Variants in TRAPPC3 observed in about 807,000 individuals in gnomAD.
TRAPPC3 encodes the protein trafficking protein particle complex 3.
TRAPPC3 carries 5 observed loss-of-function variants against 18.2 expected under a neutral mutation model. That is an observed-to-expected ratio of 0.28 (90% confidence interval 0.14 to 0.58). The LOEUF is 0.58. Among genes scored for constraint, TRAPPC3 ranks in the 20% least tolerant of loss-of-function variants. TRAPPC3 has a pLI of 0.91. For synonymous variants in TRAPPC3, 65 were observed against 84.2 expected, an observed-to-expected ratio of 0.77 and a Z score of 1.25; for missense variants, 176 against 225.9, an observed-to-expected ratio of 0.78 and a Z score of 1.41.
chr1:36,138,315 G>A (rs952338232), intron 3 of TRAPPC3: 21 of 1,496,476 alleles, frequency 1.4e-5, no homozygotes, highest in Admixed American at 2.0e-5. Context: ...CTTTCGACAC[G>A]GTGGCTGCCT....
rs537374218 is a variant in TRAPPC3, at chr1:36,155,069, G to C, written c.-97+814C>G. On this transcript the variant is annotated intron_variant, in intron 1 of 4. Coordinates refer to the TRAPPC3 transcript ENST00000617904. ...AAGGAAGGAGAAACTGGAGGGAAGGGGGGCAAGGGGGACAGTATCTCACTG... is the reference window on the plus strand; with the variant it reads ...AAGGAAGGAGAAACTGGAGGGAAGGCGGGCAAGGGGGACAGTATCTCACTG... 1.2e-4 allele frequency among the ~76,000 whole-genome samples: 18 copies of C among 152,326 alleles called. No individual in the cohort carries two copies. The East Asian group carries it at 3.3e-3, about 28-fold the overall frequency.
chr1:36,148,594 G>A (rs1644233961), intron 1 of TRAPPC3, among the ~76,000 whole-genome samples: 1 of 144,100 alleles, frequency 6.9e-6, no homozygotes, highest in South Asian at 2.5e-4. Context: ...TCGTCTGGGG[G>A]CGGGGGGAGG....
At position 36,139,440 on chromosome 1, in the gene TRAPPC3, G is replaced by C. The variant is rs1644074125; in HGVS notation, c.240+280C>G. ...CAAAGTGCTAGGATTACAGATGTGA[G>C]CCACCACGCCCGACCGAGTCTGTAT... On this transcript the variant is annotated intron_variant, in intron 3 of 4. Coordinates refer to ENST00000373166, the MANE Select transcript of TRAPPC3 (RefSeq NM_014408.5). The C allele has an allele frequency of 1.5e-5, 5 of 331,170 alleles. No homozygotes were observed. The South Asian group carries it at 1.8e-4, about 12-fold the overall frequency. The allele number at this position is 331,170 out of a possible 1,614,324, so 20.5% of individuals were successfully genotyped here. A position where few individuals can be genotyped will look rare whatever the true frequency, so the allele number is the denominator to read the frequency against.
chr1:36,153,811 T>A (rs2124183149), upstream of TRAPPC3, among the ~76,000 whole-genome samples: 1 of 152,246 alleles, frequency 6.6e-6, no homozygotes, highest in African/African-American at 2.4e-5. Context: ...CCACAGTCAA[T>A]CCCAAAGACA....
At chr1:36,139,977 G>A (rs774949357) in intron 2 of TRAPPC3, 92 bp downstream of exon 2, 85 of 1,461,086 alleles carry the variant, frequency 5.8e-5, no homozygotes, top group Non-Finnish European at 7.4e-5. Flanking sequence ...CTAAGAAAGA[G>A]AGAGAACCCT....
intron 1 of TRAPPC3, among the ~76,000 whole-genome samples, chr1:36,141,993 C>G (rs1227188230): frequency 6.9e-6 from 1 of 145,758 alleles, no homozygotes; most frequent in Non-Finnish European, 1.5e-5. Context: ...AGAACGTGCC[C>G]AAGGACAAAC....
At chr1:36,139,162 T>TC (rs908655442) in intron 3 of TRAPPC3, among the ~76,000 whole-genome samples, 1 of 146,682 alleles carries the variant, frequency 6.8e-6, no homozygotes, top group Non-Finnish European at 1.5e-5. Context: ...CTGTATTTTT[T>TC]TTTTTTTTTT....
At chr1:36,151,507 A>G (rs1365825668), upstream of TRAPPC3, among the ~76,000 whole-genome samples, 1 of 152,174 alleles carries the variant, frequency 6.6e-6, no homozygotes, top group African/African-American at 2.4e-5. Flanking sequence ...GCTACTAGGA[A>G]GGTTAAGGTG....
intron 1 of TRAPPC3, among the ~76,000 whole-genome samples, chr1:36,144,420 G>A (rs540130215): frequency 1.3e-5 from 2 of 152,176 alleles, no homozygotes; most frequent in African/African-American, 4.8e-5. Context: ...GGAGGCAGGG[G>A]TCGGAAGTGG....
intron 1 of TRAPPC3, among the ~76,000 whole-genome samples, chr1:36,145,837 G>A (rs1165916512): frequency 5.3e-5 from 8 of 151,794 alleles, no homozygotes; most frequent in Non-Finnish European, 7.4e-5. Flanking sequence ...GCAGTAGCGC[G>A]ATCTCGGCTC....
chr1:36,149,431 C>T lies in TRAPPC3; in HGVS notation c.-53G>A. On this transcript the variant is annotated 5_prime_UTR_variant, in exon 1 of 5. Coordinates refer to ENST00000373166, the MANE Select transcript of TRAPPC3 (RefSeq NM_014408.5). ...TAGCCACGGGTTAGCTCGGCGACCC[C>T]TGCAGACGCCGGAGCCTAAGCCGCT... 6.2e-7 allele frequency: 1 copy of T among 1,602,630 alleles called. No homozygotes were observed. The highest frequency in any genetic ancestry group is 8.5e-7 in the Non-Finnish European group (1 of 1,175,102).
At chr1:36,147,343 T>G (rs1201197809) in intron 1 of TRAPPC3, among the ~76,000 whole-genome samples, 1 of 151,530 alleles carries the variant, frequency 6.6e-6, no homozygotes, top group Non-Finnish European at 1.5e-5. Flanking sequence ...ACAAAACAAT[T>G]TAGGTCTTGG....
intron 3 of TRAPPC3, 144 bp from the exon 4 acceptor site, chr1:36,138,122 C>A: frequency 6.4e-7 from 1 of 1,557,478 alleles, no homozygotes; most frequent in Non-Finnish European, 8.7e-7. Flanking sequence ...ATACTCAGGA[C>A]AACAAAGGAG....
intron 1 of TRAPPC3, among the ~76,000 whole-genome samples, chr1:36,146,172 G>A (rs1472485286): frequency 1.3e-5 from 2 of 151,990 alleles, no homozygotes; most frequent in Middle Eastern, 3.4e-3. Flanking sequence ...TCCACCTCCC[G>A]GGTTCAAGCG....
intron 1 of TRAPPC3, chr1:36,149,077 A>AT: frequency 7.2e-7 from 1 of 1,388,786 alleles, no homozygotes; most frequent in Non-Finnish European, 9.3e-7. Context: ...AGTGGCAGTT[A>AT]TTGGTATTTA....
In TRAPPC3 at chr1:36,137,099, A is replaced by C. The variant is rs946448497; in HGVS notation, c.*104T>G. The C allele has an allele frequency of 4.5e-6, 6 of 1,328,076 alleles. No individual in the cohort carries two copies. The highest frequency in any genetic ancestry group is 6.3e-6 in the Non-Finnish European group (6 of 954,524). The allele number at this position is 1,328,076 out of a possible 1,614,324, so 82.3% of individuals were successfully genotyped here. A position where few individuals can be genotyped will look rare whatever the true frequency, so the allele number is the denominator to read the frequency against. ...TGGAAACAGGTTATAAGAATATATA[A>C]CATCCATGTTCAAGAGTCACTGAGT... On this transcript the variant is annotated 3_prime_UTR_variant, in exon 5 of 5. Coordinates refer to ENST00000373166, the MANE Select transcript of TRAPPC3 (RefSeq NM_014408.5).
chr1:36,138,005 T>C (rs1396142580), intron 3 of TRAPPC3, 27 bp from the exon 4 acceptor site: 1 of 1,611,628 alleles, frequency 6.2e-7, no homozygotes, highest in East Asian at 2.2e-5. Context: ...AACAGCACTT[T>C]GGGGAAGAGC....
At position 36,149,454 on chromosome 1, in the gene TRAPPC3, G is replaced by A; in HGVS notation, c.-76C>T. On this transcript the variant is annotated 5_prime_UTR_variant, in exon 1 of 5. Transcript: ENST00000373166. ...CCCTGCAGACGCCGGAGCCTAAGCC[G>A]CTGCCCCTCAGCCCACAAGACCGAC... is the stretch of plus-strand genomic sequence containing the variant. The A allele has an allele frequency of 1.1e-5, 18 of 1,569,732 alleles. No individual in the cohort carries two copies. The South Asian group carries it at 1.9e-4, about 17-fold the overall frequency.
At position 36,137,309 on chromosome 1, in the gene TRAPPC3, A is replaced by G; in HGVS notation, c.437T>C (p.Val146Ala). ...RGALEMVQMA[V>A]EAKFVQDTLK... ...GGTGTCCTGGACAAACTTGGCCTCC[A>G]CAGCCATCTGGACCTGGGGGACAGT... The change falls in exon 5 of 5, where the codon GTG (valine) becomes GCG (alanine). Residue 146 changes from valine to alanine, a missense_variant. Physicochemically the swap from Val to Ala is moderately conservative, Grantham distance 64 (BLOSUM62 0). Coordinates refer to ENST00000373166, the MANE Select transcript of TRAPPC3 (RefSeq NM_014408.5). The G allele has an allele frequency of 6.2e-7, 1 of 1,611,690 alleles. No homozygotes were observed. The highest frequency in any genetic ancestry group is 8.5e-7 in the Non-Finnish European group (1 of 1,177,972).
Sources: allele counts gnomAD v4.1 joint callset (sites outside exome capture counted in the v4.1 genomes callset), GRCh38; gene constraint gnomAD v4.1.1; transcripts MANE v1.5; gene names NCBI Gene and HGNC (gene_info 2026-07-23, HGNC 2026-07-21).